The following SLC12A7 variants were observed in gnomAD, a reference collection of about 807,000 sequenced individuals.
SLC12A7 encodes the protein solute carrier family 12 member 7, also known as K-Cl cotransporter 4.
In SLC12A7, 100 loss-of-function variants were observed where a neutral mutation model predicts 120.6. The observed-to-expected ratio is 0.83, with a 90% CI of 0.71 to 0.98. SLC12A7 has a LOEUF of 0.98. SLC12A7 is among the 50% of genes least tolerant of loss of function. The pLI is 0.00. For missense variants in SLC12A7, 1,373 were observed against 1,548.1 expected (o/e 0.89, Z 1.90); for synonymous variants, 760 against 678.0 (o/e 1.12, Z -1.88).
chr5:1,080,280 A>G (rs62331182), intron 9 of SLC12A7, among the ~76,000 whole-genome samples: 20 of 1,620 alleles, frequency 0.012, 2 homozygotes, highest in Admixed American at 0.089. Flanking sequence ...CCCTCCACCC[A>G]CGGCGCGGAG....
chr5:1,084,037 C>T (rs1470025471), intron 7 of SLC12A7, 81 bp from the exon 8 acceptor site: 13 of 1,266,688 alleles, frequency 1.0e-5, no homozygotes, highest in East Asian at 4.9e-5. Context: ...CCAACGGGCA[C>T]CCATGGTGTC....
Position 1,061,041 on chromosome 5 carries a change from ATC to A in SLC12A7, c.2740-592_2740-591del, listed in dbSNP as rs1736158579. ...TCACCCGCCGCACCCGCCGTGCGGG[ATC>A]CCTGAGTCTCACCCGCCGCACCCGC... is the stretch of plus-strand genomic sequence containing the variant. On this transcript the variant is annotated intron_variant, in intron 20 of 23. Coordinates refer to ENST00000264930, the MANE Select transcript of SLC12A7 (RefSeq NM_006598.3). Among the ~76,000 whole-genome samples the A allele has an allele frequency of 1.5e-4, 19 of 130,904 alleles. 1 individual carries two copies. Among genetic ancestry groups the A allele is most frequent in the African/African-American group, 5.6e-4 (18 of 32,052 alleles). The allele number at this position is 130,904 out of a possible 152,430, so 85.9% of individuals were successfully genotyped here.
chr5:1,095,036 G>GCCGGTAGGA (rs1740972357), intron 1 of SLC12A7, among the ~76,000 whole-genome samples: 2 of 150,730 alleles, frequency 1.3e-5, no homozygotes, highest in Non-Finnish European at 3.0e-5. Flanking sequence ...AGGAGGCGGG[G>GCCGGTAGGA]GGCCGGTAGG....
intron 2 of SLC12A7, among the ~76,000 whole-genome samples, chr5:1,093,873 C>T (rs1740815099): frequency 6.6e-6 from 1 of 152,200 alleles, no homozygotes; most frequent in Non-Finnish European, 1.5e-5. Context: ...ATGGCAGGGA[C>T]CCCAGGGTGT....
intron 1 of SLC12A7, among the ~76,000 whole-genome samples, chr5:1,102,830 G>A (rs1341063124): frequency 3.3e-5 from 5 of 152,150 alleles, no homozygotes; most frequent in African/African-American, 7.2e-5. Context: ...ATCAGCTCAC[G>A]TGGCCTCTGG....
the SLC12A7 span, among the ~76,000 whole-genome samples, chr5:1,129,618 C>T: frequency 1.3e-5 from 2 of 152,022 alleles, no homozygotes; most frequent in African/African-American, 4.8e-5. Flanking sequence ...CCGAGAGACA[C>T]ACTTGCTCAG....
chr5:1,060,250 C>G, intron 21 of SLC12A7, 94 bp downstream of exon 21: 1 of 910,034 alleles, frequency 1.1e-6, no homozygotes, highest in Non-Finnish European at 1.8e-6. Context: ...TCTGGAGGAC[C>G]CTCGTGGGCT....
chr5:1,076,018 G>C, intron 14 of SLC12A7, 120 bp downstream of exon 14: 1 of 804,920 alleles, frequency 1.2e-6, no homozygotes, highest in Non-Finnish European at 1.9e-6. Flanking sequence ...GCCTTGTAGA[G>C]GCACCCAGTG....
At chr5:1,116,865 C>T (rs1298448647), upstream of SLC12A7, among the ~76,000 whole-genome samples, 2 of 151,996 alleles carry the variant, frequency 1.3e-5, no homozygotes, top group Non-Finnish European at 2.9e-5. Context: ...TGTTTGCTGT[C>T]GGCTCAGGGG....
At chr5:1,054,405 G>T (rs1735389400) in intron 22 of SLC12A7, among the ~76,000 whole-genome samples, 1 of 152,218 alleles carries the variant, frequency 6.6e-6, no homozygotes, top group African/African-American at 2.4e-5. Context: ...TCAGGCCCTT[G>T]CGGGACAGAG....
Position 1,074,716 on chromosome 5 carries a change from G to A in SLC12A7, c.1968-45C>T, listed in dbSNP as rs1235862096. ...GGTTTGTCCAGCCGCGTACCTGGAG[G>A]CTCCTCTCCCACCTGGGAAAGGGGA... On this transcript the variant is annotated intron_variant, in intron 15 of 23. Coordinates refer to ENST00000264930, the MANE Select transcript of SLC12A7 (RefSeq NM_006598.3). 3 of 1,569,018 alleles carry A rather than the reference G, an allele frequency of 1.9e-6. 1 individual carries two copies. The highest frequency in any genetic ancestry group is 2.6e-6 in the Non-Finnish European group (3 of 1,146,830).
intron 12 of SLC12A7, among the ~76,000 whole-genome samples, chr5:1,077,603 C>A (rs1738506182): frequency 6.6e-6 from 1 of 152,208 alleles, no homozygotes; most frequent in Non-Finnish European, 1.5e-5. Flanking sequence ...CCTGACACAC[C>A]CGGGGCCGAG....
chr5:1,150,755 G>A, the SLC12A7 span, among the ~76,000 whole-genome samples: 10 of 152,346 alleles, frequency 6.6e-5, no homozygotes, highest in East Asian at 3.9e-4. Context: ...TGAACACGAC[G>A]GCCGAGCTCC....
At chr5:1,060,829 G>A (rs1334846430) in intron 20 of SLC12A7, among the ~76,000 whole-genome samples, 3 of 151,834 alleles carry the variant, frequency 2.0e-5, no homozygotes, top group African/African-American at 7.3e-5. Context: ...AGGGGGGCTT[G>A]GCACCATGGG....
intron 22 of SLC12A7, among the ~76,000 whole-genome samples, chr5:1,056,810 G>A (rs1005745339): frequency 3.9e-5 from 6 of 152,262 alleles, no homozygotes; most frequent in East Asian, 1.9e-4. Flanking sequence ...CAGAGGCTGC[G>A]TCTGCAGAAC....
chr5:1,081,538 GA>G (rs1561071039), intron 9 of SLC12A7, 38 bp downstream of exon 9: 1 of 1,579,512 alleles, frequency 6.3e-7, no homozygotes, highest in East Asian at 2.3e-5. Flanking sequence ...GAGAGGGAGA[GA>G]AAGAAAGAGA....
In SLC12A7 at chr5:1,083,907, A is replaced by C. The variant is rs1408386095; in HGVS notation, c.967T>G (p.Cys323Gly). 1.2e-6 allele frequency: 2 copies of C among 1,607,470 alleles called. No homozygotes were observed. The highest frequency in any genetic ancestry group is 2.7e-5 in the African/African-American group (2 of 74,922). ...TTGTGGATGCCGTAGGCCTTGACGCAGGCATCGAAGCTGCGCCGTGACAGC... is the reference window on the plus strand; with the variant it reads ...TTGTGGATGCCGTAGGCCTTGACGCCGGCATCGAAGCTGCGCCGTGACAGC... Reference protein sequence around the residue: ...RTLSRRSFDACVKAYGIHNNS... With the variant: ...RTLSRRSFDAGVKAYGIHNNS... Residue 323 changes from cysteine to glycine, a missense_variant, in exon 8 of 24, where the codon TGC becomes GGC. By Grantham distance (159) the Cys-to-Gly change is radical (BLOSUM62 -3). Transcript: ENST00000264930.
chr5:1,137,028 C>G, the SLC12A7 span, among the ~76,000 whole-genome samples: 2 of 152,024 alleles, frequency 1.3e-5, no homozygotes, highest in African/African-American at 4.8e-5. Context: ...GACACACACA[C>G]GTGCTCACAC....
intron 7 of SLC12A7, among the ~76,000 whole-genome samples, chr5:1,084,519 G>A (rs1739593055): frequency 6.6e-6 from 1 of 152,188 alleles, no homozygotes; most frequent in Admixed American, 6.5e-5. Context: ...CGACGTATAA[G>A]CCAGGCCTGT....
Sources: allele counts gnomAD v4.1 joint callset (sites outside exome capture counted in the v4.1 genomes callset), GRCh38; gene constraint gnomAD v4.1.1; transcripts MANE v1.5; gene names NCBI Gene and HGNC (gene_info 2026-07-23, HGNC 2026-07-21).